FAM83E: variants seen among roughly 807,000 people sequenced by gnomAD.
FAM83E encodes the protein protein FAM83E.
Under a neutral mutation model 34.3 loss-of-function variants are expected in FAM83E, and 29 were observed. The ratio of observed to expected loss-of-function variants is 0.85; its 90% confidence interval spans 0.63 to 1.15. The LOEUF is 1.15. FAM83E is among the 50% of genes most tolerant of loss of function. FAM83E has a pLI of 0.00. For synonymous variants in FAM83E, 312 were observed against 311.6 expected, an observed-to-expected ratio of 1.00 and a Z score of -0.01; for missense variants, 697 against 685.0, an observed-to-expected ratio of 1.02 and a Z score of -0.20.
At chr19:48,607,455 C>A in intron 5 of FAM83E, 3 of 1,424,270 alleles carry the variant, frequency 2.1e-6, no homozygotes, top group South Asian at 1.4e-5. Flanking sequence ...CCTGGACAAC[C>A]TCTTGCGGCC....
intron 6 of FAM83E, 85 bp from the exon 7 acceptor site, chr19:48,601,454 G>A: frequency 6.6e-7 from 1 of 1,510,414 alleles, no homozygotes; most frequent in South Asian, 1.3e-5. Context: ...AGGAGGTGAG[G>A]CAAGAGAGAA....
intron 5 of FAM83E, among the ~76,000 whole-genome samples, chr19:48,608,437 CTTT>C (rs556049341): frequency 1.5e-5 from 2 of 130,078 alleles, no homozygotes; most frequent in East Asian, 2.2e-4. Context: ...TTTTCTTTTC[CTTT>C]TTTTTTTTTT....
At chr19:48,605,714 C>A (rs930566312) in intron 5 of FAM83E, among the ~76,000 whole-genome samples, 14 of 151,806 alleles carry the variant, frequency 9.2e-5, no homozygotes, top group African/African-American at 3.4e-4. Flanking sequence ...CCATGCCCAG[C>A]AAATTTTTGT....
intron 4 of FAM83E, 146 bp from the exon 5 acceptor site, chr19:48,610,146 C>T: frequency 8.9e-7 from 1 of 1,123,458 alleles, no homozygotes; most frequent in Non-Finnish European, 1.2e-6. Flanking sequence ...CACTTGTAAT[C>T]CCAGCACTTT....
intron 5 of FAM83E, chr19:48,607,413 A>C: frequency 6.6e-7 from 1 of 1,506,120 alleles, no homozygotes; most frequent in South Asian, 1.3e-5. Flanking sequence ...CCATGTCCCC[A>C]TGTCCTTCCC....
Position 48,612,806 on chromosome 19 carries a change from G to C in FAM83E, c.465+102C>G, listed in dbSNP as rs57005407. 4 of 1,344,150 alleles carry C rather than the reference G, an allele frequency of 3.0e-6. No individual in the cohort carries two copies. In the African/African-American group the frequency reaches 4.4e-5, roughly 15 times the overall value. The allele number at this position is 1,344,150 out of a possible 1,614,324, so 83.3% of individuals were successfully genotyped here. On this transcript the variant is annotated intron_variant, in intron 3 of 6. Coordinates refer to ENST00000263266, the MANE Select transcript of FAM83E (RefSeq NM_017708.4). ...GGGTCCCAGGGGTATAGGTCCTTTA[G>C]GGTAGGGGTGTGCGCTTGCAAGTCC...
At chr19:48,605,317 A>G (rs1422821956) in intron 5 of FAM83E, among the ~76,000 whole-genome samples, 1 of 152,106 alleles carries the variant, frequency 6.6e-6, no homozygotes, top group Non-Finnish European at 1.5e-5. Context: ...TCATGCCTGT[A>G]ATCCCAGCAC....
intron 5 of FAM83E, chr19:48,606,968 G>T: frequency 6.2e-7 from 1 of 1,600,766 alleles, no homozygotes; most frequent in Non-Finnish European, 8.5e-7. Flanking sequence ...GGTCAACGCC[G>T]CCAGGCCGCC....
chr19:48,608,001 C>A (rs1973967051), intron 5 of FAM83E, among the ~76,000 whole-genome samples: 1 of 152,214 alleles, frequency 6.6e-6, no homozygotes, highest in African/African-American at 2.4e-5. Context: ...AGTGTGGTCC[C>A]TGGACCAGAA....
chr19:48,605,439 G>A (rs1973910935), intron 5 of FAM83E, among the ~76,000 whole-genome samples: 1 of 152,320 alleles, frequency 6.6e-6, no homozygotes, highest in African/African-American at 2.4e-5. Flanking sequence ...GCCGGGCATG[G>A]TGGTGCACGC....
chr19:48,607,229 A>T (rs763080132), intron 5 of FAM83E: 1 of 1,612,578 alleles, frequency 6.2e-7, no homozygotes, highest in Non-Finnish European at 8.5e-7. Context: ...GGCGTCACCT[A>T]CAGCCTCACC....
chr19:48,607,686 C>A, intron 5 of FAM83E: 1 of 273,406 alleles, frequency 3.7e-6, no homozygotes, highest in Non-Finnish European at 7.0e-6. Context: ...ATATATATAT[C>A]ATAATAAATG....
intron 5 of FAM83E, chr19:48,606,710 G>A (rs1193622712): frequency 5.9e-6 from 3 of 509,486 alleles, no homozygotes; most frequent in Non-Finnish European, 1.1e-5. Flanking sequence ...AGAGCGGCCA[G>A]TGGGAACCCT....
At position 48,613,045 on chromosome 19, in the gene FAM83E, G is replaced by T. The variant is rs1306424371; in HGVS notation, c.328C>A (p.Pro110Thr). Reference sequence around the variant, plus strand: ...ACTGGCCAGCCCAGCCGCAGGACGGGCGCCGGCTGCTCCGACTGCCCAGGC... The same window carrying T: ...ACTGGCCAGCCCAGCCGCAGGACGGTCGCCGGCTGCTCCGACTGCCCAGGC... ...YWPGQSEQPA[P>T]VLRLGWPVDS... Residue 110 changes from proline to threonine, a missense_variant, in exon 3 of 7, where the codon CCC becomes ACC. Pro to Thr is a conservative substitution (Grantham distance 38). Transcript: ENST00000263266. 6.2e-7 allele frequency: 1 copy of T among 1,602,674 alleles called. No homozygotes were observed. Among genetic ancestry groups the T allele is most frequent in the Admixed American group, 1.7e-5 (1 of 58,094 alleles).
chr19:48,606,853 G>A (rs1048593676), intron 5 of FAM83E: 75 of 1,219,996 alleles, frequency 6.1e-5, no homozygotes, highest in Middle Eastern at 2.8e-4. Flanking sequence ...CTGACCCTGG[G>A]AGGCCAGGAC....
chr19:48,606,963 A>G (rs753968423), intron 5 of FAM83E: 15 of 1,599,680 alleles, frequency 9.4e-6, no homozygotes, highest in Admixed American at 3.3e-5. Context: ...GGCAGGGTCA[A>G]CGCCGCCAGG....
intron 5 of FAM83E, among the ~76,000 whole-genome samples, chr19:48,607,903 G>A (rs1035168436): frequency 6.6e-6 from 1 of 150,582 alleles, no homozygotes; most frequent in African/African-American, 2.4e-5. Flanking sequence ...CTTACGTTAC[G>A]TGCCACTGAA....
intron 3 of FAM83E, 132 bp from the exon 4 acceptor site, chr19:48,610,979 T>A (rs454715): frequency 3.4e-6 from 3 of 875,066 alleles, no homozygotes; most frequent in South Asian, 1.7e-5. Context: ...AAAGTTCAGG[T>A]GGGCTAAAGG....
intron 5 of FAM83E, among the ~76,000 whole-genome samples, chr19:48,607,971 T>C (rs1256084856): frequency 1.3e-5 from 2 of 152,180 alleles, no homozygotes; most frequent in Non-Finnish European, 2.9e-5. Flanking sequence ...CATCCTGGTC[T>C]CAACTCCAAT....
Sources: allele counts gnomAD v4.1 joint callset (sites outside exome capture counted in the v4.1 genomes callset), GRCh38; gene constraint gnomAD v4.1.1; transcripts MANE v1.5; gene names NCBI Gene and HGNC (gene_info 2026-07-23, HGNC 2026-07-21).